The following SLC25A40 variants were observed in gnomAD, a reference collection of about 807,000 sequenced individuals.
SLC25A40 encodes the protein mitochondrial glutathione transporter SLC25A40.
In SLC25A40, 41 loss-of-function variants were observed where a neutral mutation model predicts 46.5. That is an observed-to-expected ratio of 0.88 (90% CI 0.69 to 1.14). The LOEUF is 1.14. Among genes scored for constraint, SLC25A40 ranks in the 50% most tolerant of loss-of-function variants. SLC25A40 has a pLI of 0.00. For synonymous variants in SLC25A40, 126 were observed against 127.5 expected (o/e 0.99, Z 0.08); for missense variants, 386 against 393.6 (o/e 0.98, Z 0.16).
Position 87,865,685 on chromosome 7 carries a change from T to C in SLC25A40, c.-93-5045A>G, listed in dbSNP as rs939456244. Among the ~76,000 whole-genome samples the C allele has an allele frequency of 3.3e-5, 5 of 152,132 alleles. No homozygotes were observed. In the South Asian group the frequency reaches 6.2e-4, roughly 19 times the overall value. On this transcript the variant is annotated intron_variant, in intron 1 of 11. Transcript: ENST00000341119. ...TACTCAGGAGGCTGAGGCAGGAGAA[T>C]TGCTTGAACCCAGGAGGCAGAGGTT... is the stretch of plus-strand genomic sequence containing the variant.
At chr7:87,861,156 C>T (rs1410520667) in intron 1 of SLC25A40, among the ~76,000 whole-genome samples, 2 of 152,144 alleles carry the variant, frequency 1.3e-5, no homozygotes, top group African/African-American at 4.8e-5. Flanking sequence ...AGAAGTTGTA[C>T]TCTTTTAGCC....
intron 1 of SLC25A40, among the ~76,000 whole-genome samples, chr7:87,866,324 GA>G (rs149467754): frequency 8.2e-4 from 125 of 152,020 alleles, no homozygotes; most frequent in African/African-American, 3.0e-3. Flanking sequence ...TTGGATGGCA[GA>G]TTTTTTTTTT....
At chr7:87,867,246 T>C (rs1227882591) in intron 1 of SLC25A40, among the ~76,000 whole-genome samples, 2 of 152,246 alleles carry the variant, frequency 1.3e-5, no homozygotes, top group Non-Finnish European at 2.9e-5. Flanking sequence ...TAAGATTTGG[T>C]CTTTTGAAGT....
chr7:87,864,011 C>A (rs1838747381), intron 1 of SLC25A40, among the ~76,000 whole-genome samples: 2 of 152,188 alleles, frequency 1.3e-5, no homozygotes, highest in Admixed American at 6.5e-5. Flanking sequence ...CTTCTAGGTT[C>A]ATCCATGTTG....
chr7:87,846,949 C>G lies in SLC25A40; in HGVS notation c.631G>C (p.Ala211Pro), dbSNP rs371402849. ...PTVLRDVPFSAMYWYNYEILK... is the reference protein window; with the variant it reads ...PTVLRDVPFSPMYWYNYEILK... ...TAGCTACAAATAAGATAAATCCTAC[C>G]TGAGAAAGGTACATCTCTAAGAACA... The change falls in exon 8 of 12, where the codon GCA becomes CCA. Residue 211 changes from alanine to proline, a missense_variant and splice_region_variant. Ala to Pro is a conservative substitution (Grantham distance 27). Coordinates refer to ENST00000341119, the MANE Select transcript of SLC25A40 (RefSeq NM_018843.4). 18 of 1,593,928 alleles carry G rather than the reference C, an allele frequency of 1.1e-5. No individual in the cohort carries two copies. Among genetic ancestry groups the G allele is most frequent in the Non-Finnish European group, 1.5e-5 (18 of 1,171,968 alleles).
intron 5 of SLC25A40, 123 bp from the exon 6 acceptor site, chr7:87,850,071 G>A: frequency 3.3e-6 from 2 of 612,782 alleles, no homozygotes; most frequent in Non-Finnish European, 5.5e-6. Flanking sequence ...TAAGCTTTTT[G>A]GATTTATGTA....
At chr7:87,871,013 G>A (rs1740766703) in intron 1 of SLC25A40, among the ~76,000 whole-genome samples, 1 of 152,072 alleles carries the variant, frequency 6.6e-6, no homozygotes, top group African/African-American at 2.4e-5. Context: ...GGGGCTTCAG[G>A]GGTCACAGGC....
intron 5 of SLC25A40, among the ~76,000 whole-genome samples, chr7:87,851,239 G>A (rs1838503993): frequency 6.6e-6 from 1 of 152,090 alleles, no homozygotes; most frequent in Admixed American, 6.6e-5. Flanking sequence ...AATATTACTT[G>A]GCAATAAAAG....
intron 1 of SLC25A40, among the ~76,000 whole-genome samples, chr7:87,864,141 A>G (rs1838750863): frequency 6.6e-6 from 1 of 152,220 alleles, no homozygotes; most frequent in Non-Finnish European, 1.5e-5. Flanking sequence ...TGATCTGTCC[A>G]TTACTGAGAG....
At chr7:87,849,132 T>G (rs1265268579) in intron 6 of SLC25A40, among the ~76,000 whole-genome samples, 2 of 152,162 alleles carry the variant, frequency 1.3e-5, no homozygotes, top group African/African-American at 4.8e-5. Flanking sequence ...ATCATACAGC[T>G]TTAGTAAAAT....
At chr7:87,871,590 T>C (rs1267717109) in intron 1 of SLC25A40, among the ~76,000 whole-genome samples, 1 of 152,256 alleles carries the variant, frequency 6.6e-6, no homozygotes, top group Non-Finnish European at 1.5e-5. Context: ...ATTGAGATGA[T>C]ACATACGGTT....
intron 1 of SLC25A40, among the ~76,000 whole-genome samples, chr7:87,862,909 G>C (rs1838730372): frequency 6.6e-6 from 1 of 152,048 alleles, no homozygotes; most frequent in South Asian, 2.1e-4. Context: ...GGATGGGAAA[G>C]ACTCACCCTC....
At chr7:87,836,603 TAAAG>T (rs1838261033) in intron 11 of SLC25A40, 123 bp downstream of exon 11, 1 of 564,020 alleles carries the variant, frequency 1.8e-6, no homozygotes, top group Non-Finnish European at 2.9e-6. Context: ...TAACTTATAA[TAAAG>T]ATATTTAGGA....
At chr7:87,874,531 G>A (rs1838948335) in intron 1 of SLC25A40, among the ~76,000 whole-genome samples, 1 of 152,044 alleles carries the variant, frequency 6.6e-6, no homozygotes, top group East Asian at 1.9e-4. Context: ...TACCCTTAAG[G>A]AAACCAAGGA....
intron 5 of SLC25A40, 66 bp downstream of exon 5, chr7:87,854,138 A>G (rs1011637147): frequency 4.2e-5 from 47 of 1,118,172 alleles, no homozygotes; most frequent in Non-Finnish European, 5.9e-5. Flanking sequence ...TTGCAATTAG[A>G]AAATATTTCA....
At chr7:87,866,558 T>TGA (rs1287614097) in intron 1 of SLC25A40, among the ~76,000 whole-genome samples, 1 of 152,252 alleles carries the variant, frequency 6.6e-6, no homozygotes, top group Non-Finnish European at 1.5e-5. Flanking sequence ...TTCCCCTGCA[T>TGA]GAGACATTCA....
chr7:87,847,821 A>G, intron 7 of SLC25A40, 32 bp downstream of exon 7: 1 of 1,584,316 alleles, frequency 6.3e-7, no homozygotes, highest in Non-Finnish European at 8.5e-7. Flanking sequence ...TCTAAACAGA[A>G]ATCAAAATGA....
chr7:87,847,200 T>C, intron 7 of SLC25A40, 78 bp from the exon 8 acceptor site: 1 of 1,078,568 alleles, frequency 9.3e-7, no homozygotes, highest in Admixed American at 2.9e-5. Flanking sequence ...TAAAAATTAA[T>C]ATTCACAGAT....
At position 87,870,192 on chromosome 7, in the gene SLC25A40, G is replaced by A. The variant is rs989329092; in HGVS notation, c.-94+5904C>T. 3.0e-4 allele frequency among the ~76,000 whole-genome samples: 45 copies of A among 150,382 alleles called. 1 individual carries two copies. The highest frequency in any genetic ancestry group is 2.9e-3 in the Admixed American group (43 of 14,962). Reference sequence around the variant, plus strand: ...AATTCTTCATATTTTTTGGATACTAGATCCTTACCAGATATATTAGATGCA... The same window carrying A: ...AATTCTTCATATTTTTTGGATACTAAATCCTTACCAGATATATTAGATGCA... On this transcript the variant is annotated intron_variant, in intron 1 of 11. Coordinates refer to ENST00000341119, the MANE Select transcript of SLC25A40 (RefSeq NM_018843.4).
Sources: gnomAD v4.1 joint callset for allele counts (sites outside exome capture counted in the v4.1 genomes callset) on GRCh38, gnomAD v4.1.1 for gene constraint, MANE v1.5 for transcripts, NCBI Gene and HGNC (gene_info 2026-07-23, HGNC 2026-07-21) for gene names.